Variants in ARHGAP20 observed in about 807,000 individuals in gnomAD.
ARHGAP20 encodes Rho GTPase activating protein 20.
In ARHGAP20, 34 loss-of-function variants were observed where a neutral mutation model predicts 73.7. That is an observed-to-expected ratio of 0.46 (90% CI 0.35 to 0.61). The LOEUF (loss-of-function observed/expected upper bound fraction) is 0.61, where lower values mean the gene tolerates loss of function less well. Among genes scored for constraint, ARHGAP20 ranks in the 20% least tolerant of loss-of-function variants. The pLI, the probability that ARHGAP20 is intolerant of heterozygous loss-of-function variation, is 0.00. For missense variants in ARHGAP20, 1,314 were observed against 1,420.9 expected, an observed-to-expected ratio of 0.92 and a Z score of 1.21; for synonymous variants, 523 against 518.2, an observed-to-expected ratio of 1.01 and a Z score of -0.13.
chr11:110,618,129 T>C (rs1370726823), intron 4 of ARHGAP20, among the ~76,000 whole-genome samples: 1 of 151,582 alleles, frequency 6.6e-6, no homozygotes, highest in Non-Finnish European at 1.5e-5. Flanking sequence ...CAGCAGAACA[T>C]CTCTGGATAT....
chr11:110,669,899 A>T (rs558459119), intron 2 of ARHGAP20, among the ~76,000 whole-genome samples: 1 of 152,294 alleles, frequency 6.6e-6, no homozygotes, highest in South Asian at 2.1e-4. Context: ...CATAAAATTT[A>T]AAAAACCCTA....
At chr11:110,701,372 C>G (rs1267109588) in intron 1 of ARHGAP20, among the ~76,000 whole-genome samples, 1 of 151,962 alleles carries the variant, frequency 6.6e-6, no homozygotes. Flanking sequence ...TTTTTGGCTG[C>G]ATAAATGTCT....
chr11:110,581,680 A>C (rs957265415), intron 14 of ARHGAP20, among the ~76,000 whole-genome samples: 1 of 152,344 alleles, frequency 6.6e-6, no homozygotes, highest in East Asian at 1.9e-4. Flanking sequence ...TCTTTACAAC[A>C]ACCATAAAAG....
chr11:110,629,878 C>A (rs1283347159), intron 3 of ARHGAP20, among the ~76,000 whole-genome samples: 1 of 152,162 alleles, frequency 6.6e-6, no homozygotes, highest in Admixed American at 6.5e-5. Flanking sequence ...GGCTTGTAAG[C>A]CAGAAGCATC....
chr11:110,710,551 T>A (rs1950629347), intron 1 of ARHGAP20, among the ~76,000 whole-genome samples: 3 of 152,188 alleles, frequency 2.0e-5, no homozygotes, highest in Non-Finnish European at 4.4e-5. Flanking sequence ...TGTCAGTAAA[T>A]GTAGGGCTAG....
In ARHGAP20 at chr11:110,581,025, A is replaced by G; in HGVS notation, c.1921T>C (p.Leu641=). 1 of 1,614,174 alleles carries G rather than the reference A, an allele frequency of 6.2e-7. No individual in the cohort carries two copies. The highest frequency in any genetic ancestry group is 8.5e-7 in the Non-Finnish European group (1 of 1,180,024). Residue 641 remains leucine, a synonymous_variant, in exon 15 of 15, where the codon TTG becomes CTG. Transcript: ENST00000683387. ...ACATCTTCATCTTTAGAATGGGCCAAGTCAAAGTCGCTTAGGGTTAAAAGG... is the reference window on the plus strand; with the variant it reads ...ACATCTTCATCTTTAGAATGGGCCAGGTCAAAGTCGCTTAGGGTTAAAAGG... ...EGLLTLSDFD[L]AHSKDEDVQM... is the part of the protein sequence containing the mutation.
At chr11:110,584,929 G>C (rs1463197350) in intron 12 of ARHGAP20, among the ~76,000 whole-genome samples, 1 of 138,962 alleles carries the variant, frequency 7.2e-6, no homozygotes, top group Non-Finnish European at 1.5e-5. Flanking sequence ...ATATATATGT[G>C]AATATATGTG....
Position 110,592,060 on chromosome 11 carries a change from G to A in ARHGAP20, c.1060C>T (p.Pro354Ser). The A allele has an allele frequency of 6.2e-7, 1 of 1,614,150 alleles. No individual in the cohort carries two copies. Among genetic ancestry groups the A allele is most frequent in the Non-Finnish European group, 8.5e-7 (1 of 1,179,998 alleles). ...AGCTGTCCTGGCATAGGTGATGTTG[G>A]CGATGAGGGCAAGTTGTCCAGGTGA... The part of the protein sequence containing the change: ...STHLDNLPSS[P>S]TSPMPGQLFG... Residue 354 changes from proline to serine, a missense_variant, in exon 10 of 15, where the codon CCA becomes TCA. Physicochemically the swap from Pro to Ser is moderately conservative, Grantham distance 74 (BLOSUM62 -1). This residue lies in a region of ARHGAP20 where 443 missense variants were observed against 466.4 expected (regional missense o/e 0.95). Transcript: ENST00000683387.
In ARHGAP20 at chr11:110,577,824, A is replaced by G. The variant is rs1565413983; in HGVS notation, c.*1546T>C. 4.1e-6 allele frequency: 4 copies of G among 985,624 alleles called. No individual in the cohort carries two copies. Among genetic ancestry groups the G allele is most frequent in the South Asian group, 4.7e-5 (1 of 21,278 alleles). 61.1% of individuals were successfully genotyped at this position (985,624 alleles called of 1,614,324 possible). On this transcript the variant is annotated 3_prime_UTR_variant, in exon 15 of 15. Coordinates refer to ENST00000683387, the MANE Select transcript of ARHGAP20 (RefSeq NM_001384657.1). ...AGCTAATACTGAAATAACTTCTTCT[A>G]TCTTAGAGAAAATATTTTTTCCCCT... is the stretch of plus-strand genomic sequence containing the variant.
intron 11 of ARHGAP20, among the ~76,000 whole-genome samples, chr11:110,587,791 G>A (rs1273792649): frequency 2.0e-5 from 3 of 151,940 alleles, no homozygotes; most frequent in Non-Finnish European, 2.9e-5. Context: ...TTAACAAGAA[G>A]GAAGAATGAC....
intron 1 of ARHGAP20, among the ~76,000 whole-genome samples, chr11:110,710,593 T>C (rs1950630273): frequency 6.6e-6 from 1 of 152,188 alleles, no homozygotes; most frequent in Non-Finnish European, 1.5e-5. Flanking sequence ...TTGGGAAGAC[T>C]TGACTACACA....
chr11:110,619,588 T>C (rs35324383), intron 4 of ARHGAP20, among the ~76,000 whole-genome samples: 66 of 148,728 alleles, frequency 4.4e-4, no homozygotes, highest in African/African-American at 1.4e-3. Context: ...AGCGTATATG[T>C]AGTGATAGAG....
chr11:110,704,551 T>G (rs1230818541), intron 1 of ARHGAP20, among the ~76,000 whole-genome samples: 1 of 151,416 alleles, frequency 6.6e-6, no homozygotes, highest in Non-Finnish European at 1.5e-5. Flanking sequence ...AAAATAAGAC[T>G]GAAATAAAAT....
At chr11:110,689,961 CAA>C (rs34455752) in intron 2 of ARHGAP20, among the ~76,000 whole-genome samples, 7 of 131,792 alleles carry the variant, frequency 5.3e-5, no homozygotes, top group Admixed American at 1.6e-4. Context: ...TCCTGCTCTG[CAA>C]AAAAAAAAAA....
intron 2 of ARHGAP20, among the ~76,000 whole-genome samples, chr11:110,671,358 T>C (rs1442391694): frequency 2.0e-5 from 3 of 152,086 alleles, no homozygotes; most frequent in African/African-American, 7.2e-5. Flanking sequence ...CTCCACTTTA[T>C]AAAGAACACC....
intron 8 of ARHGAP20, among the ~76,000 whole-genome samples, chr11:110,607,888 C>T (rs1948270271): frequency 6.6e-6 from 1 of 152,128 alleles, no homozygotes; most frequent in African/African-American, 2.4e-5. Context: ...TTACCATCTA[C>T]ATAGTTTTCA....
chr11:110,664,987 G>A (rs1306550048), intron 2 of ARHGAP20, among the ~76,000 whole-genome samples: 1 of 152,004 alleles, frequency 6.6e-6, no homozygotes, highest in Non-Finnish European at 1.5e-5. Flanking sequence ...AATCCCAGTA[G>A]GTAGTCTGCA....
rs1274817214 is a variant in ARHGAP20, at chr11:110,579,728, G to T, written c.3218C>A (p.Pro1073Gln). 6.2e-7 allele frequency: 1 copy of T among 1,614,042 alleles called. No individual in the cohort carries two copies. The highest frequency in any genetic ancestry group is 8.5e-7 in the Non-Finnish European group (1 of 1,179,994). The change falls in exon 15 of 15, where the codon CCA becomes CAA. Residue 1073 changes from proline to glutamine, a missense_variant. This residue lies in a region of ARHGAP20 where 641 missense variants were observed against 636.9 expected (regional missense o/e 1.01). Coordinates refer to ENST00000683387, the MANE Select transcript of ARHGAP20 (RefSeq NM_001384657.1). ...KIASPKGPLE[P>Q]PPHASGVPEA... Reference sequence around the variant, plus strand: ...TGGAACACCAGAAGCATGTGGGGGTGGCTCTAAGGGTCCTTTTGGAGAAGC... The same window carrying T: ...TGGAACACCAGAAGCATGTGGGGGTTGCTCTAAGGGTCCTTTTGGAGAAGC...
chr11:110,630,137 T>C (rs577048264), intron 3 of ARHGAP20, among the ~76,000 whole-genome samples: 9 of 152,308 alleles, frequency 5.9e-5, no homozygotes, highest in African/African-American at 1.9e-4. Context: ...CAACTACCTT[T>C]GCACCTGCTG....
Sources: gnomAD v4.1 joint callset for allele counts (sites outside exome capture counted in the v4.1 genomes callset) on GRCh38, gnomAD v4.1.1 for gene constraint, gnomAD v4.1.1 regional missense constraint, MANE v1.5 for transcripts, NCBI Gene and HGNC (gene_info 2026-07-23, HGNC 2026-07-21) for gene names.